PLXDC2: variants seen among roughly 807,000 people sequenced by gnomAD.
The protein encoded by PLXDC2 is plexin domain containing 2.
In PLXDC2, 40 loss-of-function variants were observed where a neutral mutation model predicts 68.9. The observed-to-expected ratio is 0.58, with a 90% CI of 0.45 to 0.76. The LOEUF is 0.76. Among genes scored for constraint, PLXDC2 ranks in the 30% least tolerant of loss-of-function variants. PLXDC2 has a pLI of 0.00. For missense variants in PLXDC2, 644 were observed against 661.9 expected, an observed-to-expected ratio of 0.97 and a Z score of 0.30; for synonymous variants, 243 against 234.2, an observed-to-expected ratio of 1.04 and a Z score of -0.34.
At chr10:19,986,707 T>C (rs948643880) in intron 1 of PLXDC2, among the ~76,000 whole-genome samples, 1 of 152,206 alleles carries the variant, frequency 6.6e-6, no homozygotes, top group Non-Finnish European at 1.5e-5. Flanking sequence ...GAGAACACGG[T>C]GATGTCTTTT....
chr10:19,822,316 T>A (rs1317055222), intron 1 of PLXDC2, among the ~76,000 whole-genome samples: 1 of 150,614 alleles, frequency 6.6e-6, no homozygotes, highest in African/African-American at 2.4e-5. Context: ...ATGCACTATA[T>A]ATGGAATGTA....
intron 10 of PLXDC2, 134 bp downstream of exon 10, chr10:20,211,863 T>C: frequency 1.3e-6 from 1 of 784,586 alleles, no homozygotes; most frequent in South Asian, 2.3e-5. Context: ...ATAAGCCCAA[T>C]GTCTGCAAAT....
intron 1 of PLXDC2, among the ~76,000 whole-genome samples, chr10:19,923,983 G>C (rs1833501136): frequency 6.6e-6 from 1 of 152,182 alleles, no homozygotes; most frequent in African/African-American, 2.4e-5. Flanking sequence ...AGGATTGCTT[G>C]AGCTGGGAGG....
chr10:20,019,782 A>T (rs968286839), intron 2 of PLXDC2, among the ~76,000 whole-genome samples: 2 of 152,104 alleles, frequency 1.3e-5, no homozygotes, highest in Admixed American at 1.3e-4. Context: ...TAATGAATTT[A>T]TGTTGGTTAA....
intron 13 of PLXDC2, among the ~76,000 whole-genome samples, chr10:20,258,248 G>A (rs1432888746): frequency 2.6e-5 from 4 of 151,788 alleles, no homozygotes; most frequent in East Asian, 1.9e-4. Flanking sequence ...TGACCCGCCC[G>A]CCTCGGCTTC....
chr10:20,046,825 A>C (rs764289407), intron 2 of PLXDC2, 44 bp from the exon 3 acceptor site: 36 of 1,540,752 alleles, frequency 2.3e-5, no homozygotes, highest in Non-Finnish European at 2.8e-5. Flanking sequence ...AATTGTAGGT[A>C]AAACATCTCG....
intron 1 of PLXDC2, among the ~76,000 whole-genome samples, chr10:19,966,632 C>G (rs1489167048): frequency 6.6e-6 from 1 of 151,936 alleles, no homozygotes; most frequent in Non-Finnish European, 1.5e-5. Context: ...CACAGTTTTG[C>G]ATTTTGTGAT....
intron 13 of PLXDC2, among the ~76,000 whole-genome samples, chr10:20,254,420 A>G (rs1215724931): frequency 1.3e-5 from 2 of 152,230 alleles, no homozygotes; most frequent in African/African-American, 4.8e-5. Flanking sequence ...AAACCTATGT[A>G]GTTCATAGAG....
chr10:20,008,170 G>A (rs572692591), intron 2 of PLXDC2, among the ~76,000 whole-genome samples: 29 of 152,298 alleles, frequency 1.9e-4, no homozygotes, highest in African/African-American at 6.3e-4. Flanking sequence ...CTGTACACAA[G>A]GTCATTGTGT....
chr10:20,090,870 A>G (rs1360513643), intron 4 of PLXDC2, among the ~76,000 whole-genome samples: 5 of 152,232 alleles, frequency 3.3e-5, no homozygotes, highest in Admixed American at 6.5e-5. Flanking sequence ...CAATATCATT[A>G]GTATCATGAA....
intron 1 of PLXDC2, among the ~76,000 whole-genome samples, chr10:19,839,036 A>C (rs2131316102): frequency 6.6e-6 from 1 of 152,162 alleles, no homozygotes; most frequent in South Asian, 2.1e-4. Context: ...AAATACAAAA[A>C]TCTTCCAGGC....
intron 1 of PLXDC2, among the ~76,000 whole-genome samples, chr10:19,914,169 T>C (rs560720229): frequency 6.6e-6 from 1 of 150,718 alleles, no homozygotes; most frequent in Non-Finnish European, 1.5e-5. Context: ...AAAGAAGGAA[T>C]ACATCAAGTG....
intron 12 of PLXDC2, among the ~76,000 whole-genome samples, chr10:20,223,269 T>A (rs1168319931): frequency 8.6e-5 from 13 of 151,990 alleles, no homozygotes; most frequent in African/African-American, 3.1e-4. Flanking sequence ...AAATTCCAAG[T>A]CTTTAACAAC....
chr10:19,993,025 A>G (rs1400165428), intron 1 of PLXDC2, among the ~76,000 whole-genome samples: 3 of 152,246 alleles, frequency 2.0e-5, no homozygotes, highest in Non-Finnish European at 4.4e-5. Flanking sequence ...CCGAACCATC[A>G]CTGGACTTCT....
chr10:20,108,204 T>A (rs75499544), intron 4 of PLXDC2, among the ~76,000 whole-genome samples: 7,639 of 152,248 alleles, frequency 0.05, 275 homozygotes, highest in African/African-American at 0.1. Flanking sequence ...CTCAACTCCT[T>A]TCTCTCTAAT....
intron 4 of PLXDC2, among the ~76,000 whole-genome samples, chr10:20,126,984 G>A (rs561645744): frequency 3.3e-5 from 5 of 150,474 alleles, no homozygotes; most frequent in African/African-American, 1.2e-4. Context: ...ACACTAGGTT[G>A]GATGTATAAG....
intron 12 of PLXDC2, among the ~76,000 whole-genome samples, chr10:20,229,173 G>T (rs1835326867): frequency 6.6e-6 from 1 of 152,140 alleles, no homozygotes; most frequent in Admixed American, 6.5e-5. Flanking sequence ...CATGGGTGGA[G>T]CCAATCAGCA....
chr10:20,131,801 A>G (rs914261589), intron 4 of PLXDC2, among the ~76,000 whole-genome samples: 6 of 152,024 alleles, frequency 3.9e-5, no homozygotes, highest in African/African-American at 1.4e-4. Context: ...AATCTTTTGT[A>G]TTGTTTTTTC....
At chr10:19,947,588 A>T (rs1375500988) in intron 1 of PLXDC2, among the ~76,000 whole-genome samples, 1 of 152,068 alleles carries the variant, frequency 6.6e-6, no homozygotes, top group African/African-American at 2.4e-5. Context: ...GAAAAAATTG[A>T]CCTGTCTCAT....
Sources: allele counts gnomAD v4.1 joint callset (sites outside exome capture counted in the v4.1 genomes callset), GRCh38; gene constraint gnomAD v4.1.1; transcripts MANE v1.5; gene names NCBI Gene and HGNC (gene_info 2026-07-23, HGNC 2026-07-21).